Variants in GIGYF2 observed in about 807,000 individuals in gnomAD.
GIGYF2 encodes the protein GRB10 interacting GYF protein 2, also known as GRB10-interacting GYF protein 2.
In GIGYF2, 25 loss-of-function variants were observed where a neutral mutation model predicts 208.1. That is an observed-to-expected ratio of 0.12 (90% CI 0.09 to 0.17). GIGYF2 has a LOEUF of 0.17. Ranked by LOEUF, GIGYF2 falls within the 10% of genes least tolerant of loss-of-function variation. The probability of loss-of-function intolerance (pLI) is 1.00; values close to 1 mark genes in which losing one functional copy is unlikely to be tolerated. For synonymous variants in GIGYF2, 534 were observed against 543.8 expected, an observed-to-expected ratio of 0.98 and a Z score of 0.25; for missense variants, 1,302 against 1,579.4, an observed-to-expected ratio of 0.82 and a Z score of 2.98.
chr2:232,705,221 C>T lies in GIGYF2; in HGVS notation c.-44+1732C>T, dbSNP rs146755768. ...GAGTATTAGGAAGCCATATAGAATT[C>T]GCAGGGTCCAACTTCATAGACTCTA... On this transcript the variant is annotated intron_variant, in intron 2 of 28. Coordinates refer to ENST00000373563, the MANE Select transcript of GIGYF2 (RefSeq NM_001103146.3). 1.3e-3 allele frequency among the ~76,000 whole-genome samples: 204 copies of T among 152,088 alleles called. 4 individuals are homozygous for T. The highest frequency in any genetic ancestry group is 4.2e-3 in the African/African-American group (174 of 41,516).
At chr2:232,760,790 T>A in intron 7 of GIGYF2, 199 bp downstream of exon 7, 1 of 530,604 alleles carries the variant, frequency 1.9e-6, no homozygotes, top group Non-Finnish European at 3.4e-6. Flanking sequence ...GATAGATAGG[T>A]TAATATATGA....
chr2:232,773,725 C>T lies in GIGYF2; in HGVS notation c.532+12289C>T, dbSNP rs150959235. On this transcript the variant is annotated intron_variant, in intron 8 of 28. Coordinates refer to ENST00000373563, the MANE Select transcript of GIGYF2 (RefSeq NM_001103146.3). The stretch of plus-strand genomic sequence containing the variant: ...CATGTGCCAGGAATCATACCAAATA[C>T]TTCATATGTACAAACTGATGTGAAG... Among the ~76,000 whole-genome samples the T allele has an allele frequency of 3.9e-3, 587 of 151,770 alleles. 7 individuals are homozygous for T. The highest frequency in any genetic ancestry group is 0.014 in the Middle Eastern group (4 of 292).
intron 9 of GIGYF2, chr2:232,788,403 A>T (rs1441562677): frequency 3.6e-6 from 1 of 277,904 alleles, no homozygotes; most frequent in African/African-American, 2.2e-5. Context: ...CAAGGTCTAG[A>T]CAATTTTCAT....
intron 28 of GIGYF2, among the ~76,000 whole-genome samples, chr2:232,856,411 C>T (rs557127369): frequency 6.6e-6 from 1 of 152,212 alleles, no homozygotes; most frequent in South Asian, 2.1e-4. Context: ...AAAGACTGGC[C>T]AGGCACGTTG....
chr2:232,830,622 C>G (rs1485068798), intron 21 of GIGYF2, among the ~76,000 whole-genome samples: 1 of 152,076 alleles, frequency 6.6e-6, no homozygotes, highest in Non-Finnish European at 1.5e-5. Flanking sequence ...TAACTAACAT[C>G]CATTGTTTAT....
intron 2 of GIGYF2, chr2:232,729,957 G>C: frequency 2.8e-6 from 2 of 724,440 alleles, no homozygotes; most frequent in Non-Finnish European, 5.1e-6. Flanking sequence ...CATATCCACA[G>C]GACCATACTT....
Position 232,733,306 on chromosome 2 carries a change from GT to G in GIGYF2, c.-43-1845del, listed in dbSNP as rs1697588008. Reference sequence around the variant, plus strand: ...TGAGGAGGGGACTAAGTTTACCTCAGTTTTAGTCTGGTTTGCACCTTTTGTG... The same window carrying G: ...TGAGGAGGGGACTAAGTTTACCTCAGTTTAGTCTGGTTTGCACCTTTTGTG... On this transcript the variant is annotated intron_variant, in intron 2 of 28. Transcript: ENST00000373563. Among the ~76,000 whole-genome samples, 3 of 151,426 alleles carry G rather than the reference GT, an allele frequency of 2.0e-5. No homozygotes were observed. The South Asian group carries it at 6.3e-4, about 32-fold the overall frequency.
chr2:232,760,687 G>C, intron 7 of GIGYF2, 96 bp downstream of exon 7: 1 of 761,364 alleles, frequency 1.3e-6, no homozygotes, highest in African/African-American at 1.8e-5. Flanking sequence ...ACAGTTAAAG[G>C]GTTTCATTTT....
intron 28 of GIGYF2, 121 bp downstream of exon 28, chr2:232,850,530 T>G (rs1690272129): frequency 1.0e-6 from 1 of 974,384 alleles, no homozygotes; most frequent in African/African-American, 1.6e-5. Flanking sequence ...TATCAATAAC[T>G]AATGTTTTAA....
rs114610000 is a variant in GIGYF2, at chr2:232,853,914, A to T, written c.3833-2879A>T. ...TTTTAAATGACAGTTAAATGAGAAT[A>T]TGTCTGTTTGCTAAAAGCCTAGACT... On this transcript the variant is annotated intron_variant, in intron 28 of 28. Transcript: ENST00000373563. Among the ~76,000 whole-genome samples the T allele has an allele frequency of 9.0e-3, 1,364 of 152,316 alleles. 29 individuals are homozygous for T. Among genetic ancestry groups the T allele is most frequent in the African/African-American group, 0.031 (1,307 of 41,556 alleles).
At chr2:232,773,436 G>T (rs1201531402) in intron 8 of GIGYF2, among the ~76,000 whole-genome samples, 5 of 152,024 alleles carry the variant, frequency 3.3e-5, no homozygotes, top group African/African-American at 4.8e-5. Context: ...TATTTGGATG[G>T]TTATTCAAGT....
intron 2 of GIGYF2, among the ~76,000 whole-genome samples, chr2:232,725,005 C>A (rs1559384733): frequency 6.6e-6 from 1 of 152,152 alleles, no homozygotes; most frequent in Non-Finnish European, 1.5e-5. Flanking sequence ...CTATATATAT[C>A]CAGTGTATTT....
chr2:232,787,151 G>T lies in GIGYF2; in HGVS notation c.534G>T (p.Gly178=), dbSNP rs762738848. 3 of 1,612,108 alleles carry T rather than the reference G, an allele frequency of 1.9e-6. No individual in the cohort carries two copies. The highest frequency in any genetic ancestry group is 2.5e-6 in the Non-Finnish European group (3 of 1,178,244). The change falls in exon 9 of 29, where the codon GGG becomes GGT. Residue 178 remains glycine, a splice_region_variant and synonymous_variant. Transcript: ENST00000373563. ...RFEKPGRKDV[G]RPNFEEGGPT... ...CTTACCATATTATTTTCTTTATAGG[G>T]AGACCAAATTTTGAGGAAGGTGGAC...
chr2:232,844,517 T>C lies in GIGYF2; in HGVS notation c.3248T>C (p.Val1083Ala), dbSNP rs1388322459. ...AACATGGGATTCTGGGATGATGCAG[T>C]GAAAGAGGTGGGACCTAGGAATTCA... is the stretch of plus-strand genomic sequence containing the variant. Reference protein sequence around the residue: ...NSNMGFWDDAVKEVGPRNSTN... With the variant: ...NSNMGFWDDAAKEVGPRNSTN... The change falls in exon 25 of 29, where the codon GTG (valine) becomes GCG (alanine). Residue 1083 changes from valine (V) to alanine (A), a missense_variant. By Grantham distance (64) the Val-to-Ala change is moderately conservative. Coordinates refer to ENST00000373563, the MANE Select transcript of GIGYF2 (RefSeq NM_001103146.3). The C allele has an allele frequency of 3.1e-6, 5 of 1,613,762 alleles. No homozygotes were observed. The highest frequency in any genetic ancestry group is 4.2e-6 in the Non-Finnish European group (5 of 1,179,860).
chr2:232,728,662 C>A (rs1390560407), intron 2 of GIGYF2, among the ~76,000 whole-genome samples: 1 of 152,126 alleles, frequency 6.6e-6, no homozygotes, highest in African/African-American at 2.4e-5. Context: ...TCTCTCCCAG[C>A]TAGTGGCCGG....
At chr2:232,781,287 TACACACACAC>T (rs3062047) in intron 8 of GIGYF2, among the ~76,000 whole-genome samples, 117 of 127,122 alleles carry the variant, frequency 9.2e-4, no homozygotes, top group African/African-American at 2.4e-3. Flanking sequence ...ATATCAGGAA[TACACACACAC>T]ACACACACAC....
In GIGYF2 at chr2:232,845,692, G is replaced by A. The variant is rs142816404; in HGVS notation, c.3306-40G>A. On this transcript the variant is annotated intron_variant, in intron 25 of 28. Coordinates refer to ENST00000373563, the MANE Select transcript of GIGYF2 (RefSeq NM_001103146.3). ...GTTGTACTATAATCATATAGTAACA[G>A]TTTCTGGGAATATAATATCACCCTA... The A allele has an allele frequency of 1.8e-4, 274 of 1,518,196 alleles. 1 individual carries two copies. The East Asian group carries it at 5.4e-3, about 30-fold the overall frequency. 94.0% of individuals were successfully genotyped at this position (1,518,196 alleles called of 1,614,324 possible).
intron 8 of GIGYF2, chr2:232,764,380 A>C (rs1468366042): frequency 6.6e-6 from 1 of 152,230 alleles, no homozygotes; most frequent in Non-Finnish European, 1.5e-5. Flanking sequence ...ATTGTCTTTT[A>C]TGTTGTCACA....
At chr2:232,789,478 G>A (rs770625220) in intron 9 of GIGYF2, among the ~76,000 whole-genome samples, 16 of 152,196 alleles carry the variant, frequency 1.1e-4, no homozygotes, top group Non-Finnish European at 1.9e-4. Flanking sequence ...CACGTAAGCA[G>A]TCTGAGTATA....
Sources: gnomAD v4.1 joint callset for allele counts (sites outside exome capture counted in the v4.1 genomes callset) on GRCh38, gnomAD v4.1.1 for gene constraint, MANE v1.5 for transcripts, NCBI Gene and HGNC (gene_info 2026-07-23, HGNC 2026-07-21) for gene names.